RTL4: variants seen among roughly 807,000 people sequenced by gnomAD.
The protein encoded by RTL4 is retrotransposon Gag-like protein 4.
A neutral mutation model predicts 5.3 loss-of-function variants in RTL4; 4 were observed. The ratio of observed to expected loss-of-function variants is 0.75; its 90% CI spans 0.37 to 1.72. RTL4 has a LOEUF of 1.72. Ranked by LOEUF, RTL4 falls within the 40% of genes most tolerant of loss-of-function variation. The pLI, the probability that RTL4 is intolerant of heterozygous loss-of-function variation, is 0.04. For synonymous variants in RTL4, 98 were observed against 87.3 expected (o/e 1.12, Z -0.68); for missense variants, 260 against 227.1 (o/e 1.14, Z -0.93).
the RTL4 span, among the ~76,000 whole-genome samples, chrX:112,252,274 G>A: frequency 1.8e-5 from 2 of 112,306 alleles, no homozygotes; most frequent in African/African-American, 6.5e-5. Flanking sequence ...CAAGCTGTAA[G>A]CTCATTCCTC....
chrX:112,138,271 C>T, the RTL4 span, among the ~76,000 whole-genome samples: 17 of 112,089 alleles, frequency 1.5e-4, no homozygotes, highest in African/African-American at 5.5e-4. Context: ...AGTTATTTAT[C>T]CAAGGGTATA....
chrX:112,188,916 T>C, the RTL4 span, among the ~76,000 whole-genome samples: 1 of 111,011 alleles, frequency 9.0e-6, no homozygotes, highest in Non-Finnish European at 1.9e-5. Flanking sequence ...GACTTACCCA[T>C]GGTCACACAG....
At chrX:112,332,145 A>T in the RTL4 span, among the ~76,000 whole-genome samples, 2 of 105,630 alleles carry the variant, frequency 1.9e-5, no homozygotes, top group Non-Finnish European at 3.8e-5. Context: ...GTACCCTAAA[A>T]CTTAAAGTAC....
the RTL4 span, among the ~76,000 whole-genome samples, chrX:112,293,932 G>C: frequency 9.0e-6 from 1 of 111,483 alleles, no homozygotes; most frequent in South Asian, 3.8e-4. Context: ...TCAATTGAGA[G>C]GTATGAAATA....
chrX:112,279,339 G>T, the RTL4 span, among the ~76,000 whole-genome samples: 1 of 111,261 alleles, frequency 9.0e-6, no homozygotes, highest in Non-Finnish European at 1.9e-5. Context: ...ATGCGGTAGG[G>T]TAAGGTCATA....
At chrX:112,111,275 CTCTCCGACTCCCTCTTTG>C in the RTL4 span, among the ~76,000 whole-genome samples, 1 of 110,165 alleles carries the variant, frequency 9.1e-6, no homozygotes, top group African/African-American at 3.3e-5. Flanking sequence ...CTCTTTCTTT[CTCTCCGACTCCCTCTTTG>C]TCTCTGTCTC....
chrX:112,084,691 T>A, the RTL4 span, among the ~76,000 whole-genome samples: 1 of 111,237 alleles, frequency 9.0e-6, no homozygotes, highest in African/African-American at 3.3e-5. Context: ...TTCCCTTTTT[T>A]TAGCCAAACT....
At chrX:112,390,106 A>AATAT in the RTL4 span, among the ~76,000 whole-genome samples, 118 of 17,329 alleles carry the variant, frequency 6.8e-3, no homozygotes, top group Non-Finnish European at 8.2e-3. Context: ...ATTTATATAT[A>AATAT]ATATATATAT....
At chrX:112,169,950 A>C in the RTL4 span, among the ~76,000 whole-genome samples, 1 of 112,247 alleles carries the variant, frequency 8.9e-6, no homozygotes, top group South Asian at 3.7e-4. Flanking sequence ...AAGAAAGTGC[A>C]TGATCCAGTT....
the RTL4 span, among the ~76,000 whole-genome samples, chrX:112,198,918 TTA>T: frequency 9.0e-6 from 1 of 110,535 alleles, no homozygotes; most frequent in South Asian, 3.9e-4. Flanking sequence ...TGAAGGAAGA[TTA>T]AGAGTTAACT....
chrX:112,354,261 A>G, the RTL4 span, among the ~76,000 whole-genome samples: 1 of 111,050 alleles, frequency 9.0e-6, no homozygotes, highest in African/African-American at 3.3e-5. Context: ...TCCAGGCTCT[A>G]CTACATACTG....
the RTL4 span, among the ~76,000 whole-genome samples, chrX:112,240,994 G>T: frequency 3.6e-5 from 4 of 111,192 alleles, no homozygotes; most frequent in Non-Finnish European, 7.5e-5. Flanking sequence ...CAAAGGACAT[G>T]AACTCATCAT....
the RTL4 span, among the ~76,000 whole-genome samples, chrX:112,356,571 T>C: frequency 2.2e-5 from 2 of 91,678 alleles, no homozygotes; most frequent in Admixed American, 2.5e-4. Flanking sequence ...AAATCCCATT[T>C]GTTTTGGGGT....
chrX:112,387,862 C>T, the RTL4 span, among the ~76,000 whole-genome samples: 1 of 111,929 alleles, frequency 8.9e-6, no homozygotes, highest in Non-Finnish European at 1.9e-5. Flanking sequence ...ATGATGCCTC[C>T]AGCTTTGCTC....
At chrX:112,352,293 C>T in the RTL4 span, among the ~76,000 whole-genome samples, 2 of 110,726 alleles carry the variant, frequency 1.8e-5, no homozygotes, top group Non-Finnish European at 1.9e-5. Context: ...CTCCATCAAG[C>T]TACCAACGAC....
At chrX:112,426,647 A>C in the RTL4 span, among the ~76,000 whole-genome samples, 1 of 111,631 alleles carries the variant, frequency 9.0e-6, no homozygotes, top group African/African-American at 3.2e-5. Flanking sequence ...TGTAAACGGC[A>C]ATGTGTTTTT....
chrX:112,291,503 G>C, the RTL4 span, among the ~76,000 whole-genome samples: 4 of 110,642 alleles, frequency 3.6e-5, no homozygotes, highest in Non-Finnish European at 5.7e-5. Context: ...ATGTAAAACC[G>C]GGGTTCATAG....
chrX:112,309,835 T>C, the RTL4 span, among the ~76,000 whole-genome samples: 23 of 107,190 alleles, frequency 2.1e-4, no homozygotes, highest in African/African-American at 7.8e-4. Context: ...TATATATACA[T>C]ATATGTATAC....
the RTL4 span, among the ~76,000 whole-genome samples, chrX:112,438,563 C>A: frequency 8.9e-6 from 1 of 112,573 alleles, no homozygotes; most frequent in African/African-American, 3.2e-5. Context: ...CAACTCAAGT[C>A]CTACTCTGAC....
Sources: allele counts gnomAD v4.1 joint callset (sites outside exome capture counted in the v4.1 genomes callset), GRCh38; gene constraint gnomAD v4.1.1; transcripts MANE v1.5; gene names NCBI Gene and HGNC (gene_info 2026-07-23, HGNC 2026-07-21).